ETS1: variants seen among roughly 807,000 people sequenced by gnomAD.
ETS1 encodes the protein ETS proto-oncogene 1, transcription factor.
ETS1 carries 15 observed loss-of-function variants against 58.6 expected under a neutral mutation model. The ratio of observed to expected loss-of-function variants is 0.26; its 90% CI spans 0.17 to 0.39. The LOEUF is 0.39. Ranked by LOEUF, ETS1 falls within the 10% of genes least tolerant of loss-of-function variation. ETS1 has a pLI of 1.00. For synonymous variants in ETS1, 214 were observed against 218.2 expected (o/e 0.98, Z 0.17); for missense variants, 417 against 610.5 (o/e 0.68, Z 3.34).
At chr11:128,489,599 T>G (rs988728033) in intron 4 of ETS1, 109 bp from the exon 5 acceptor site, 1 of 834,626 alleles carries the variant, frequency 1.2e-6, no homozygotes, top group African/African-American at 1.7e-5. Flanking sequence ...GCTATCTTTA[T>G]TCATCGAATG....
chr11:128,511,795 G>A (rs936914452), intron 3 of ETS1, among the ~76,000 whole-genome samples: 21 of 152,212 alleles, frequency 1.4e-4, no homozygotes, highest in African/African-American at 4.6e-4. Context: ...GAACTCAAAT[G>A]TCAGGGGATT....
At chr11:128,560,533 A>G (rs1295132381) in intron 2 of ETS1, among the ~76,000 whole-genome samples, 1 of 152,222 alleles carries the variant, frequency 6.6e-6, no homozygotes, top group Non-Finnish European at 1.5e-5. Context: ...TGCAGCTAAT[A>G]AAACAATGGA....
chr11:128,509,662 A>G (rs1056136403), intron 3 of ETS1, among the ~76,000 whole-genome samples: 2 of 151,688 alleles, frequency 1.3e-5, no homozygotes, highest in Non-Finnish European at 2.9e-5. Context: ...GACAAGCCTG[A>G]CAGAGAACAC....
At chr11:128,473,758 G>A (rs936078106) in intron 8 of ETS1, among the ~76,000 whole-genome samples, 1 of 152,186 alleles carries the variant, frequency 6.6e-6, no homozygotes, top group African/African-American at 2.4e-5. Flanking sequence ...CCTCTACAAA[G>A]AGCAGCAGCT....
intron 3 of ETS1, among the ~76,000 whole-genome samples, chr11:128,525,619 G>A (rs76341909): frequency 0.025 from 1,918 of 75,396 alleles, no homozygotes; most frequent in Non-Finnish European, 0.03. Context: ...GTAAGATTTA[G>A]AAAAAAAAAA....
At chr11:128,534,058 C>A (rs1441301483) in intron 3 of ETS1, among the ~76,000 whole-genome samples, 1 of 152,156 alleles carries the variant, frequency 6.6e-6, no homozygotes, top group East Asian at 1.9e-4. Context: ...ACATGGTTTT[C>A]TTTGTTTGAA....
intron 1 of ETS1, among the ~76,000 whole-genome samples, chr11:128,581,955 C>T (rs1277570890): frequency 6.6e-6 from 1 of 152,184 alleles, no homozygotes; most frequent in Non-Finnish European, 1.5e-5. Flanking sequence ...CCTTAGATCT[C>T]TCAAATCCAG....
intron 1 of ETS1, among the ~76,000 whole-genome samples, chr11:128,577,928 A>G (rs1176117923): frequency 3.2e-4 from 48 of 151,714 alleles, no homozygotes; most frequent in Non-Finnish European, 5.6e-4. Context: ...AAAAAAAAAA[A>G]AGAGAGAGAG....
chr11:128,584,714 A>G (rs1864938929), intron 1 of ETS1, among the ~76,000 whole-genome samples: 1 of 152,084 alleles, frequency 6.6e-6, no homozygotes, highest in Non-Finnish European at 1.5e-5. Context: ...AAAGTAAGTT[A>G]TGTCTTCACA....
In ETS1 at chr11:128,556,425, G is replaced by A. The variant is rs1864313987; in HGVS notation, c.80C>T (p.Pro27Leu). ...APRPAVVRQG[P>L]SNTYEDPRMN... ...TCGAGGATCTTCATAAGTGTTGCTA[G>A]GTCCTTGCCTCTGTGCAAGAAAAAA... Residue 27 changes from proline to leucine, a missense_variant, in exon 3 of 10, where the codon CCT becomes CTT. Physicochemically the swap from Pro to Leu is moderately conservative, Grantham distance 98. Transcript: ENST00000392668. 3.7e-6 allele frequency: 6 copies of A among 1,602,506 alleles called. No homozygotes were observed. Among genetic ancestry groups the A allele is most frequent in the Non-Finnish European group, 5.1e-6 (6 of 1,175,882 alleles).
At chr11:128,550,004 G>C (rs1187561940) in intron 3 of ETS1, among the ~76,000 whole-genome samples, 2 of 152,206 alleles carry the variant, frequency 1.3e-5, no homozygotes, top group Non-Finnish European at 2.9e-5. Context: ...GAAAAGCAGC[G>C]TTTATTTATT....
chr11:128,557,655 T>C (rs1443217584), intron 2 of ETS1, among the ~76,000 whole-genome samples: 2 of 152,130 alleles, frequency 1.3e-5, no homozygotes, highest in African/African-American at 4.8e-5. Context: ...TGGCCCATCC[T>C]CAACTTTCTT....
rs187923077 is a variant in ETS1, at chr11:128,522,581, C to T, written c.215-32005G>A. 1.2e-3 allele frequency: 184 copies of T among 159,600 alleles called. 4 individuals are homozygous for T. In the East Asian group the frequency reaches 0.03, roughly 26 times the overall value. 9.9% of individuals were successfully genotyped at this position (159,600 alleles called of 1,614,324 possible). On this transcript the variant is annotated intron_variant, in intron 3 of 9. Coordinates refer to ENST00000392668, the MANE Select transcript of ETS1 (RefSeq NM_001143820.2). ...CGCGGAGGAGCAGTGCGTGGAGCCCCGGGCCTCGGAGCCCAGGCAGGGGCG... is the reference window on the plus strand; with the variant it reads ...CGCGGAGGAGCAGTGCGTGGAGCCCTGGGCCTCGGAGCCCAGGCAGGGGCG...
intron 3 of ETS1, among the ~76,000 whole-genome samples, chr11:128,490,991 A>G (rs1205498311): frequency 6.6e-6 from 1 of 152,098 alleles, no homozygotes; most frequent in Non-Finnish European, 1.5e-5. Flanking sequence ...AAGTGCTGGG[A>G]TCATAGGCAT....
intron 3 of ETS1, among the ~76,000 whole-genome samples, chr11:128,543,782 C>T (rs2135544977): frequency 6.6e-6 from 1 of 152,284 alleles, no homozygotes; most frequent in African/African-American, 2.4e-5. Flanking sequence ...ACTCATACTC[C>T]TTCTGAAATA....
intron 1 of ETS1, among the ~76,000 whole-genome samples, chr11:128,578,094 G>C (rs1174767122): frequency 6.6e-6 from 1 of 152,122 alleles, no homozygotes; most frequent in East Asian, 1.9e-4. Flanking sequence ...TGATTCTAGA[G>C]AGTTCTATTC....
intron 3 of ETS1, among the ~76,000 whole-genome samples, chr11:128,531,321 T>G (rs933773859): frequency 6.6e-6 from 1 of 152,168 alleles, no homozygotes; most frequent in Non-Finnish European, 1.5e-5. Context: ...ATGAGATGAA[T>G]GGGTGCCAAG....
chr11:128,584,938 A>AAAAGAAAGAAAGAAAGAAAGAAAGAAAG (rs765433081), intron 1 of ETS1, among the ~76,000 whole-genome samples: 1 of 62,598 alleles, frequency 1.6e-5, no homozygotes, highest in African/African-American at 6.1e-5. Context: ...GAAAAAAGAG[A>AAAAGAAAGAAAGAAAGAAAGAAAGAAAG]AAAGAAAGAA....
intron 3 of ETS1, chr11:128,505,035 T>A (rs1173158234): frequency 6.6e-6 from 1 of 152,244 alleles, no homozygotes; most frequent in African/African-American, 2.4e-5. Flanking sequence ...GATAGCATGA[T>A]ACCATGGTGT....
Sources: allele counts gnomAD v4.1 joint callset (sites outside exome capture counted in the v4.1 genomes callset), GRCh38; gene constraint gnomAD v4.1.1; transcripts MANE v1.5; gene names NCBI Gene and HGNC (gene_info 2026-07-23, HGNC 2026-07-21).